Variants in CHD1 observed in about 807,000 individuals in gnomAD.
The protein encoded by CHD1 is ATP-dependent chromatin remodeler CHD1.
In CHD1, 36 loss-of-function variants were observed where a neutral mutation model predicts 224.2. That is an observed-to-expected ratio of 0.16 (90% CI 0.12 to 0.21). CHD1 has a LOEUF of 0.21. Among genes scored for constraint, CHD1 ranks in the 10% least tolerant of loss-of-function variants. The probability of loss-of-function intolerance (pLI) is 1.00; values close to 1 mark genes in which losing one functional copy is unlikely to be tolerated. For synonymous variants in CHD1, 668 were observed against 658.3 expected (o/e 1.01, Z -0.23); for missense variants, 1,378 against 1,994.8 (o/e 0.69, Z 5.89).
intron 2 of CHD1, among the ~76,000 whole-genome samples, chr5:98,911,146 A>AAAATATAT (rs1491111295): frequency 1.6e-3 from 61 of 39,120 alleles, no homozygotes; most frequent in Non-Finnish European, 2.0e-3. Flanking sequence ...AAAAAAAAAA[A>AAAATATAT]ATATATATAT....
At chr5:98,886,093 G>T in intron 17 of CHD1, 1 of 154,514 alleles carries the variant, frequency 6.5e-6, no homozygotes, top group East Asian at 1.9e-4. Flanking sequence ...GTCCAGCGTG[G>T]TTACTAGAAC....
intron 2 of CHD1, among the ~76,000 whole-genome samples, chr5:98,907,744 T>G (rs1166286755): frequency 6.6e-6 from 1 of 152,084 alleles, no homozygotes; most frequent in Non-Finnish European, 1.5e-5. Flanking sequence ...TTTGCTTGTA[T>G]TTTTTGAAAA....
At chr5:98,881,863 T>C (rs187882278) in intron 20 of CHD1, 112 bp downstream of exon 20, 3 of 927,636 alleles carry the variant, frequency 3.2e-6, no homozygotes, top group East Asian at 2.6e-5. Flanking sequence ...TTCCAAAATA[T>C]AAAAAGTACA....
chr5:98,866,207 A>G (rs926124517), intron 31 of CHD1, among the ~76,000 whole-genome samples: 6 of 152,210 alleles, frequency 3.9e-5, no homozygotes, highest in Admixed American at 6.5e-5. Flanking sequence ...AGATAAAAAT[A>G]AAAGTCCAGA....
chr5:98,925,717 A>G (rs2112677003), intron 2 of CHD1, among the ~76,000 whole-genome samples: 1 of 152,214 alleles, frequency 6.6e-6, no homozygotes, highest in Non-Finnish European at 1.5e-5. Flanking sequence ...CTGAAAATAA[A>G]AAAGGGCCAC....
rs1751703967 is a variant in CHD1, at chr5:98,901,415, A to C, written c.438-80T>G. 2.7e-6 allele frequency: 3 copies of C among 1,127,390 alleles called. No homozygotes were observed. The South Asian group carries it at 5.0e-5, about 19-fold the overall frequency. The allele number at this position is 1,127,390 out of a possible 1,614,324, so 69.8% of individuals were successfully genotyped here. A position where few individuals can be genotyped will look rare whatever the true frequency, so the allele number is the denominator to read the frequency against. On this transcript the variant is annotated intron_variant, in intron 5 of 35. Coordinates refer to ENST00000614616, the MANE Select transcript of CHD1 (RefSeq NM_001270.4). ...CCCTAATACAAAGATGATCAAATCA[A>C]CCAAACTATATTCGCTATCAAAAAT...
intron 8 of CHD1, among the ~76,000 whole-genome samples, chr5:98,899,238 A>G (rs188652560): frequency 1.3e-5 from 2 of 152,182 alleles, no homozygotes; most frequent in African/African-American, 4.8e-5. Flanking sequence ...CAGTGCAAAT[A>G]GTTGTTACAT....
chr5:98,905,316 G>C (rs1041742265), intron 2 of CHD1, among the ~76,000 whole-genome samples: 1 of 152,020 alleles, frequency 6.6e-6, no homozygotes, highest in African/African-American at 2.4e-5. Flanking sequence ...ATACTTGATA[G>C]ATTTATGACA....
intron 2 of CHD1, among the ~76,000 whole-genome samples, chr5:98,908,812 AAAT>A (rs1752210145): frequency 6.6e-6 from 1 of 151,898 alleles, no homozygotes; most frequent in South Asian, 2.1e-4. Context: ...ATAAATAAAT[AAAT>A]AAACCCATTG....
chr5:98,898,155 A>T, intron 10 of CHD1, 101 bp downstream of exon 10: 1 of 572,440 alleles, frequency 1.7e-6, no homozygotes, highest in Non-Finnish European at 2.6e-6. Flanking sequence ...ATTCTCCCTT[A>T]GTCTATCTGA....
In CHD1 at chr5:98,894,631, A is replaced by G. The variant is rs775899745; in HGVS notation, c.1766T>C (p.Leu589Ser). 3 of 1,453,304 alleles carry G rather than the reference A, an allele frequency of 2.1e-6. 1 individual carries two copies. The highest frequency in any genetic ancestry group is 2.5e-5 in the South Asian group (2 of 80,382). 90.0% of individuals were successfully genotyped at this position (1,453,304 alleles called of 1,614,324 possible). Residue 589 changes from leucine to serine, a missense_variant, in exon 13 of 36, where the codon TTG (leucine) becomes TCG (serine). Physicochemically the swap from Leu to Ser is moderately radical, Grantham distance 145 (BLOSUM62 -2). Transcript: ENST00000614616. ...HQTKRLKFNI[L>S]LTTYEILLKD... is the part of the protein sequence containing the mutation. ...TAATAAAATTTCATAAGTTGTTAAC[A>G]ATATATTAAATTTTAACCGTTTGGT...
At chr5:98,859,097 C>T in intron 33 of CHD1, 82 bp from the exon 34 acceptor site, 2 of 1,043,990 alleles carry the variant, frequency 1.9e-6, no homozygotes, top group Non-Finnish European at 2.8e-6. Flanking sequence ...TTAGAAAATA[C>T]TGATAATGAA....
Position 98,875,109 on chromosome 5 carries a change from TA to T in CHD1, c.3402del (p.Phe1134LeufsTer15). The T allele has an allele frequency of 6.6e-7, 1 of 1,504,444 alleles. No homozygotes were observed. Among genetic ancestry groups the T allele is most frequent in the Non-Finnish European group, 9.2e-7 (1 of 1,087,408 alleles). 93.2% of individuals were successfully genotyped at this position (1,504,444 alleles called of 1,614,324 possible). A position where few individuals can be genotyped will look rare whatever the true frequency, so the allele number is the denominator to read the frequency against. On this transcript the variant is annotated frameshift_variant, in exon 25 of 36. Coordinates refer to ENST00000614616, the MANE Select transcript of CHD1 (RefSeq NM_001270.4). LOFTEE classifies it high-confidence loss of function. Reference sequence around the variant, plus strand: ...CCACCAAATTTCTTATAGCTCTTGATAAACCTAAGAGAAAATAATTGTTTGG... The same window carrying T: ...CCACCAAATTTCTTATAGCTCTTGATAACCTAAGAGAAAATAATTGTTTGG... ...KGFSDAEIRRFIKSYKKFGGP... is the reference protein window; with the variant it reads ...KGFSDAEIRRXIKSYKKFGGP...
chr5:98,921,201 T>C (rs161953), intron 2 of CHD1, among the ~76,000 whole-genome samples: 48,923 of 152,076 alleles, frequency 0.32, 9,541 homozygotes, highest in African/African-American at 0.54. Context: ...CATGCTAGGT[T>C]AAGGCACAGC....
At chr5:98,907,207 G>A (rs1752099616) in intron 2 of CHD1, among the ~76,000 whole-genome samples, 1 of 152,196 alleles carries the variant, frequency 6.6e-6, no homozygotes, top group Admixed American at 6.5e-5. Context: ...AGTTGCACAG[G>A]TTTATTGTTA....
In CHD1 at chr5:98,855,780, C is replaced by T. The variant is rs1747978865; in HGVS notation, c.*600G>A. On this transcript the variant is annotated 3_prime_UTR_variant, in exon 36 of 36. Transcript: ENST00000614616. ...TTCCTTTAATATTTACAATAATTTA[C>T]AGCCATTTTTTTTGTAAAAAGGCAT... The T allele has an allele frequency of 6.6e-6, 1 of 151,030 alleles. No homozygotes were observed. Among genetic ancestry groups the T allele is most frequent in the Non-Finnish European group, 1.5e-5 (1 of 67,802 alleles). 9.4% of individuals were successfully genotyped at this position (151,030 alleles called of 1,614,324 possible).
chr5:98,892,473 T>C (rs1444218984), intron 15 of CHD1, 52 bp downstream of exon 15: 67 of 1,365,130 alleles, frequency 4.9e-5, no homozygotes, highest in Non-Finnish European at 6.8e-5. Context: ...GACACAGACA[T>C]GGAAGGTTTT....
chr5:98,881,187 C>T lies in CHD1; in HGVS notation c.2965-16G>A. 2.7e-6 allele frequency: 4 copies of T among 1,504,406 alleles called. No homozygotes were observed. The highest frequency in any genetic ancestry group is 3.6e-6 in the Non-Finnish European group (4 of 1,103,568). The allele number at this position is 1,504,406 out of a possible 1,614,324, so 93.2% of individuals were successfully genotyped here. On this transcript the variant is annotated splice_polypyrimidine_tract_variant and intron_variant, in intron 21 of 35. Transcript: ENST00000614616. ...TATCCATTTCCTATAATTAAAAAGA[C>T]AATATTTAAATATACTTGAATCCTT...
At chr5:98,888,345 T>A in intron 16 of CHD1, 105 bp from the exon 17 acceptor site, 1 of 854,738 alleles carries the variant, frequency 1.2e-6, no homozygotes, top group East Asian at 2.9e-5. Flanking sequence ...TTTTAAATTT[T>A]CATGTTAGAA....
Sources: allele counts gnomAD v4.1 joint callset (sites outside exome capture counted in the v4.1 genomes callset), GRCh38; gene constraint gnomAD v4.1.1; transcripts MANE v1.5; gene names NCBI Gene and HGNC (gene_info 2026-07-23, HGNC 2026-07-21).